The following PHLDB1 variants were observed in gnomAD, a reference collection of about 807,000 sequenced individuals.
PHLDB1 encodes the protein pleckstrin homology-like domain family B member 1.
Under a neutral mutation model 139.3 loss-of-function variants are expected in PHLDB1, and 65 were observed. The ratio of observed to expected loss-of-function variants is 0.47; its 90% CI spans 0.38 to 0.57. The LOEUF (loss-of-function observed/expected upper bound fraction) is 0.57. PHLDB1 is among the 20% of genes least tolerant of loss of function. The pLI is 0.00. For synonymous variants in PHLDB1, 679 were observed against 734.5 expected (o/e 0.92, Z 1.22); for missense variants, 1,624 against 1,839.7 (o/e 0.88, Z 2.14).
At chr11:118,628,718 G>C (rs1944288764) in intron 6 of PHLDB1, 68 bp downstream of exon 6, 1 of 1,474,870 alleles carries the variant, frequency 6.8e-7, no homozygotes, top group African/African-American at 1.4e-5. Flanking sequence ...GAGCAGGCCA[G>C]CTGGCAGAGC....
In PHLDB1 at chr11:118,650,823, G is replaced by T; in HGVS notation, c.3874+276G>T. 1 of 477,024 alleles carries T rather than the reference G, an allele frequency of 2.1e-6. No homozygotes were observed. The highest frequency in any genetic ancestry group is 3.8e-6 in the Non-Finnish European group (1 of 262,808). The allele number at this position is 477,024 out of a possible 1,614,324, so 29.5% of individuals were successfully genotyped here. A position where few individuals can be genotyped will look rare whatever the true frequency, so the allele number is the denominator to read the frequency against. Reference sequence around the variant, plus strand: ...TGGTGATGAGTAAGATGGCCACAGCGCTCTCATGGAGCTTATAATCAGGGA... The same window carrying T: ...TGGTGATGAGTAAGATGGCCACAGCTCTCTCATGGAGCTTATAATCAGGGA... On this transcript the variant is annotated intron_variant, in intron 20 of 22. Coordinates refer to ENST00000600882, the MANE Select transcript of PHLDB1 (RefSeq NM_001144758.3). The surrounding 1 kb of genome is among the most constrained non-coding windows in gnomAD (Gnocchi z 4.7).
rs782771521 is a variant in PHLDB1, at chr11:118,632,345, G to C, written c.2379+49G>C. 9.4e-6 allele frequency: 15 copies of C among 1,595,346 alleles called. No homozygotes were observed. In the South Asian group the frequency reaches 1.5e-4, roughly 16 times the overall value. The stretch of plus-strand genomic sequence containing the variant: ...AGTGCTGGGTACCAGTGGCCTGGGA[G>C]AGAAGGAGAAATGTCTTCTCTGGGG... On this transcript the variant is annotated intron_variant, in intron 9 of 22. Coordinates refer to ENST00000600882, the MANE Select transcript of PHLDB1 (RefSeq NM_001144758.3). This position sits in a 1 kb window ranked among gnomAD's most constrained non-coding sequence, Gnocchi z 5.9.
intron 4 of PHLDB1, among the ~76,000 whole-genome samples, chr11:118,618,653 C>G (rs904889717): frequency 1.3e-5 from 2 of 151,886 alleles, no homozygotes; most frequent in Non-Finnish European, 2.9e-5. Flanking sequence ...GTATATGAGA[C>G]CCCACTAGTC....
At chr11:118,635,723 A>C (rs1169348007) in intron 10 of PHLDB1, among the ~76,000 whole-genome samples, 175 bp downstream of exon 10, 1 of 152,264 alleles carries the variant, frequency 6.6e-6, no homozygotes, top group Non-Finnish European at 1.5e-5. Context: ...ACAGAATAGG[A>C]TGTGATTGTA....
chr11:118,648,544 T>C (rs1302753875), intron 18 of PHLDB1, among the ~76,000 whole-genome samples: 1 of 152,054 alleles, frequency 6.6e-6, no homozygotes, highest in Non-Finnish European at 1.5e-5. Context: ...CATGTGGAAC[T>C]TCAGGGTGTG....
In PHLDB1 at chr11:118,649,538, T is replaced by C. The variant is rs141642763; in HGVS notation, c.3655-539T>C. Among the ~76,000 whole-genome samples, 296 of 152,296 alleles carry C rather than the reference T, an allele frequency of 1.9e-3. 9 individuals are homozygous for C. The East Asian group carries it at 0.042, about 22-fold the overall frequency. On this transcript the variant is annotated intron_variant, in intron 18 of 22. Coordinates refer to ENST00000600882, the MANE Select transcript of PHLDB1 (RefSeq NM_001144758.3). ...AATATATGATGTTTCCTGGCCATTT[T>C]AATGTTCTTCTGGGACAGGAAGAGT...
At position 118,635,408 on chromosome 11, in the gene PHLDB1, G is replaced by A. The variant is rs1555114559; in HGVS notation, c.2395G>A (p.Glu799Lys). 6 of 1,600,460 alleles carry A rather than the reference G, an allele frequency of 3.7e-6. No individual in the cohort carries two copies. The highest frequency in any genetic ancestry group is 2.3e-5 in the South Asian group (2 of 88,150). The change falls in exon 10 of 23, where the codon GAG (glutamate) becomes AAG (lysine). Residue 799 changes from glutamate (E) to lysine (K), a missense_variant. Coordinates refer to ENST00000600882, the MANE Select transcript of PHLDB1 (RefSeq NM_001144758.3). ...GTCGTTGAAGGAGGCAGAGGCCCTG[G>A]AGACTGAGACAAAGCTCTTTGAGGA... ...KERDKEAEALETETKLFEDLE... is the reference protein window; with the variant it reads ...KERDKEAEALKTETKLFEDLE...
At chr11:118,630,195 C>A (rs142506290) in intron 6 of PHLDB1, 26 of 568,626 alleles carry the variant, frequency 4.6e-5, no homozygotes, top group Non-Finnish European at 7.5e-5. Flanking sequence ...CCCTAGAGAG[C>A]CATGGAAGCC....
At chr11:118,649,807 G>T (rs1465261630) in intron 18 of PHLDB1, among the ~76,000 whole-genome samples, 3 of 152,176 alleles carry the variant, frequency 2.0e-5, no homozygotes, top group African/African-American at 7.2e-5. Flanking sequence ...GAAAGGAGGG[G>T]CAGGGCAAGA....
chr11:118,629,622 A>G (rs1413303396), intron 6 of PHLDB1, among the ~76,000 whole-genome samples: 1 of 152,244 alleles, frequency 6.6e-6, no homozygotes, highest in African/African-American at 2.4e-5. Flanking sequence ...AGGTTGGGAC[A>G]GTTTTGGATG....
rs1326696270 is a variant in PHLDB1, at chr11:118,611,834, AT to A, written c.-21-1981del. 2.7e-4 allele frequency among the ~76,000 whole-genome samples: 40 copies of A among 146,526 alleles called. No individual in the cohort carries two copies. The highest frequency in any genetic ancestry group is 1.1e-3 in the South Asian group (5 of 4,544). On this transcript the variant is annotated intron_variant, in intron 1 of 22. Transcript: ENST00000600882. This position sits in a 1 kb window ranked among gnomAD's most constrained non-coding sequence, Gnocchi z 4.7. The stretch of plus-strand genomic sequence containing the variant: ...ACTCCGTCTCAAAAAAAAAAAAAAA[AT>A]AATAATAATAATAATAAATGGCATT...
At chr11:118,606,953 A>T (rs1250609448), upstream of PHLDB1, among the ~76,000 whole-genome samples, 1 of 152,104 alleles carries the variant, frequency 6.6e-6, no homozygotes, top group African/African-American at 2.4e-5. Flanking sequence ...TGGAGTTTGC[A>T]TGACACTTTA....
rs535635967 is a variant in PHLDB1 at position 118,628,346 on chromosome 11, C to T, written c.1523C>T (p.Thr508Met). Residue 508 changes from threonine to methionine, a missense_variant, in exon 6 of 23, where the codon ACG becomes ATG. Coordinates refer to ENST00000600882, the MANE Select transcript of PHLDB1 (RefSeq NM_001144758.3). Reference sequence around the variant, plus strand: ...GCTTCACCAGAGGACTTCTCCCTGACGCTGGGGGCACGGGGCCGTAGGACA... The same window carrying T: ...GCTTCACCAGAGGACTTCTCCCTGATGCTGGGGGCACGGGGCCGTAGGACA... ...HGASPEDFSL[T>M]LGARGRRTRS... 63 of 1,612,232 alleles carry T rather than the reference C, an allele frequency of 3.9e-5. No individual in the cohort carries two copies. Among genetic ancestry groups the T allele is most frequent in the East Asian group, 1.6e-4 (7 of 44,832 alleles).
chr11:118,622,184 G>T (rs1555095748), intron 4 of PHLDB1, among the ~76,000 whole-genome samples: 1 of 152,196 alleles, frequency 6.6e-6, no homozygotes, highest in East Asian at 1.9e-4. Context: ...GGGGGACACT[G>T]ATCATGACTT....
At chr11:118,639,541 C>G (rs1946185173) in intron 12 of PHLDB1, 1 of 507,434 alleles carries the variant, frequency 2.0e-6, no homozygotes, top group South Asian at 2.4e-5. Context: ...GTAGACAGCT[C>G]AGAGGCTTGG....
At chr11:118,641,748 C>T in intron 12 of PHLDB1, 1 of 1,289,858 alleles carries the variant, frequency 7.8e-7, no homozygotes, top group Non-Finnish European at 1.0e-6. Flanking sequence ...CCATGCTGCC[C>T]TCCTCCTCGT....
In PHLDB1 at chr11:118,644,121, C is replaced by A. The variant is rs1555124520; in HGVS notation, c.3068C>A (p.Ala1023Glu). ...ACGGGCAGCCTTCCTCGCAACCTGG[C>A]AGCCACACTGCAGGACATCGAGACC... ...NGTGSLPRNL[A>E]ATLQDIETKR... Residue 1023 changes from alanine (A) to glutamate (E), a missense_variant, in exon 15 of 23, where the codon GCA becomes GAA. Ala to Glu is a moderately radical substitution (Grantham distance 107). Transcript: ENST00000600882. 1 of 1,613,880 alleles carries A rather than the reference C, an allele frequency of 6.2e-7. No individual in the cohort carries two copies. The highest frequency in any genetic ancestry group is 1.1e-5 in the South Asian group (1 of 91,064).
intron 10 of PHLDB1, among the ~76,000 whole-genome samples, chr11:118,636,262 C>T (rs1291115663): frequency 6.6e-6 from 1 of 152,120 alleles, no homozygotes; most frequent in African/African-American, 2.4e-5. Context: ...TGCACATGCA[C>T]ACATGCATGT....
At chr11:118,618,442 G>A (rs1555091625) in intron 4 of PHLDB1, among the ~76,000 whole-genome samples, 1 of 152,164 alleles carries the variant, frequency 6.6e-6, no homozygotes, top group East Asian at 1.9e-4. Flanking sequence ...GAAACTGGGT[G>A]GCTCGGGGGT....
Sources: gnomAD v4.1 joint callset for allele counts (sites outside exome capture counted in the v4.1 genomes callset) on GRCh38, gnomAD v4.1.1 for gene constraint, Gnocchi (gnomAD v3.1) non-coding constraint, MANE v1.5 for transcripts, NCBI Gene and HGNC (gene_info 2026-07-23, HGNC 2026-07-21) for gene names.